OR51B5: variants seen among roughly 807,000 people sequenced by gnomAD.
OR51B5 encodes the protein olfactory receptor family 51 subfamily B member 5.
For synonymous variants in OR51B5, 186 were observed against 144.8 expected, an observed-to-expected ratio of 1.28 and a Z score of -2.04; for missense variants, 456 against 374.6, an observed-to-expected ratio of 1.22 and a Z score of -1.79.
intron 1 of OR51B5, among the ~76,000 whole-genome samples, chr11:5,386,198 A>G (rs899169681): frequency 2.0e-4 from 31 of 152,228 alleles, no homozygotes; most frequent in Admixed American, 7.2e-4. Context: ...AAGAATAAAA[A>G]CAAGAAAAGT....
intron 1 of OR51B5, chr11:5,354,856 C>T: frequency 5.3e-6 from 1 of 187,074 alleles, no homozygotes; most frequent in South Asian, 9.9e-5. Flanking sequence ...GGGTACCAGA[C>T]CTGAGAGAAC....
At chr11:5,351,595 T>C (rs760483480) in intron 1 of OR51B5, 1 of 1,614,162 alleles carries the variant, frequency 6.2e-7, no homozygotes, top group Admixed American at 1.7e-5. Flanking sequence ...CATCCCATTA[T>C]TGGCAGCCTA....
intron 1 of OR51B5, chr11:5,422,879 A>G (rs1850373854): frequency 1.9e-6 from 3 of 1,614,108 alleles, no homozygotes; most frequent in Non-Finnish European, 2.5e-6. Flanking sequence ...TCTGAAAAAT[A>G]TCTTGGGCAC....
At chr11:5,499,449 C>G (rs1851690177) in intron 1 of OR51B5, among the ~76,000 whole-genome samples, 3 of 152,190 alleles carry the variant, frequency 2.0e-5, no homozygotes, top group African/African-American at 7.2e-5. Flanking sequence ...AACAGCAACT[C>G]TACATCACTG....
At chr11:5,351,825 T>C in intron 1 of OR51B5, 1 of 1,614,158 alleles carries the variant, frequency 6.2e-7, no homozygotes, top group Non-Finnish European at 8.5e-7. Context: ...ATACTCTTTC[T>C]GTCATGGAGT....
intron 1 of OR51B5, among the ~76,000 whole-genome samples, chr11:5,467,288 C>T (rs1484510910): frequency 4.6e-5 from 7 of 152,082 alleles, no homozygotes; most frequent in Non-Finnish European, 1.0e-4. Context: ...TTTCTCTCCT[C>T]GTTGCTTAAT....
intron 1 of OR51B5, among the ~76,000 whole-genome samples, chr11:5,381,172 T>A (rs28695888): frequency 8.8e-5 from 9 of 102,038 alleles, no homozygotes; most frequent in Non-Finnish European, 1.5e-4. Flanking sequence ...TCTCTCTCTC[T>A]CTCACACACA....
intron 1 of OR51B5, among the ~76,000 whole-genome samples, chr11:5,492,762 G>A (rs939597006): frequency 6.6e-6 from 1 of 152,046 alleles, no homozygotes; most frequent in African/African-American, 2.4e-5. Flanking sequence ...TCAGCTTCCT[G>A]AGTAACTGGG....
At chr11:5,479,116 G>T (rs1235373511) in intron 1 of OR51B5, among the ~76,000 whole-genome samples, 1 of 149,730 alleles carries the variant, frequency 6.7e-6, no homozygotes, top group Admixed American at 6.6e-5. Flanking sequence ...AGAGAGAAAG[G>T]TCGGGTTACC....
Position 5,376,545 on chromosome 11 carries a change from A to G in OR51B5, n.85-29635T>C, listed in dbSNP as rs1375748975. ...GGGAGCTGGTTTTTTGAAAGGATCA[A>G]CAAAACTGATAGACCGCTAGCAAGA... On this transcript the variant is annotated intron_variant and non_coding_transcript_variant, in intron 1 of 4. Transcript: ENST00000415970. 2.0e-5 allele frequency among the ~76,000 whole-genome samples: 3 copies of G among 152,192 alleles called. No individual in the cohort carries two copies. The East Asian group carries it at 5.8e-4, about 29-fold the overall frequency.
upstream of OR51B5, among the ~76,000 whole-genome samples, chr11:5,343,792 C>T (rs1848945562): frequency 6.6e-6 from 1 of 152,112 alleles, no homozygotes; most frequent in African/African-American, 2.4e-5. Context: ...TAAGCATTCT[C>T]TTCAGAAAAA....
chr11:5,403,003 A>C, intron 1 of OR51B5: 1 of 471,480 alleles, frequency 2.1e-6, no homozygotes, highest in Non-Finnish European at 4.4e-6. Context: ...ACTGAGCTAC[A>C]CAGCTATCCT....
intron 1 of OR51B5, among the ~76,000 whole-genome samples, chr11:5,488,013 GA>G (rs5789402): frequency 0.96 from 146,178 of 152,146 alleles, 70,258 homozygotes; most frequent in South Asian, 0.99. Context: ...AACAAATGCA[GA>G]AAAAAAGTTA....
At chr11:5,411,375 C>G (rs1015804603) in intron 1 of OR51B5, among the ~76,000 whole-genome samples, 1 of 152,120 alleles carries the variant, frequency 6.6e-6, no homozygotes, top group African/African-American at 2.4e-5. Context: ...GTGTAGTAAG[C>G]TGTACCATCT....
chr11:5,457,106 G>T (rs918446923), intron 1 of OR51B5, among the ~76,000 whole-genome samples: 5 of 152,132 alleles, frequency 3.3e-5, no homozygotes, highest in Non-Finnish European at 5.9e-5. Context: ...TACCCCAAAG[G>T]TAGTTTTTTG....
intron 1 of OR51B5, among the ~76,000 whole-genome samples, chr11:5,353,217 T>C (rs1019595173): frequency 6.6e-6 from 1 of 152,200 alleles, no homozygotes; most frequent in Non-Finnish European, 1.5e-5. Flanking sequence ...AGTATCTCTA[T>C]GAGAAATGTG....
At chr11:5,345,820 G>A (rs1037179498), upstream of OR51B5, 2 of 125,096 alleles carry the variant, frequency 1.6e-5, no homozygotes, top group Admixed American at 8.0e-5. Flanking sequence ...TCAGTGAAGA[G>A]ATGCCAGACA....
intron 1 of OR51B5, among the ~76,000 whole-genome samples, chr11:5,358,795 A>G (rs1487899680): frequency 6.6e-6 from 1 of 152,204 alleles, no homozygotes; most frequent in Non-Finnish European, 1.5e-5. Flanking sequence ...CTTATCCACC[A>G]TGATCAAGTG....
intron 1 of OR51B5, chr11:5,453,261 G>A: frequency 2.6e-6 from 1 of 380,970 alleles, no homozygotes; most frequent in Non-Finnish European, 4.7e-6. Context: ...TAAAATAGAG[G>A]GAAATATTAG....
Sources: allele counts gnomAD v4.1 joint callset (sites outside exome capture counted in the v4.1 genomes callset), GRCh38; gene constraint gnomAD v4.1.1; transcripts MANE v1.5; gene names NCBI Gene and HGNC (gene_info 2026-07-23, HGNC 2026-07-21).